Variants in CHDH observed in about 807,000 individuals in gnomAD.
CHDH encodes the protein choline dehydrogenase, mitochondrial.
A neutral mutation model predicts 56.9 loss-of-function variants in CHDH; 43 were observed. The ratio of observed to expected loss-of-function variants is 0.76; its 90% CI spans 0.59 to 0.97. The LOEUF (loss-of-function observed/expected upper bound fraction) is 0.97. Ranked by LOEUF, CHDH falls within the 50% of genes least tolerant of loss-of-function variation. The probability of loss-of-function intolerance (pLI) is 0.00; values close to 1 mark genes in which losing one functional copy is unlikely to be tolerated. For missense variants in CHDH, 816 were observed against 821.1 expected (o/e 0.99, Z 0.08); for synonymous variants, 364 against 348.5 (o/e 1.04, Z -0.50).
In CHDH at chr3:53,818,996, T is replaced by C. The variant is rs1338947195; in HGVS notation, c.1308A>G (p.Lys436=). The C allele has an allele frequency of 6.2e-7, 1 of 1,614,078 alleles. No homozygotes were observed. The highest frequency in any genetic ancestry group is 8.5e-7 in the Non-Finnish European group (1 of 1,179,972). ...PMRGTSVGWL[K]LRSANPQDHP... is the part of the protein sequence containing the mutation. ...GGTCTTGGGGATTGGCACTTCTCAGTTTGAGCCAGCCCACACTCGTGCCCC... is the reference window on the plus strand; with the variant it reads ...GGTCTTGGGGATTGGCACTTCTCAGCTTGAGCCAGCCCACACTCGTGCCCC... The change falls in exon 8 of 9, where the codon AAA becomes AAG. Residue 436 remains lysine, a synonymous_variant. Transcript: ENST00000315251.
intron 1 of CHDH, among the ~76,000 whole-genome samples, chr3:53,844,034 AC>A (rs1698765462): frequency 6.6e-6 from 1 of 152,070 alleles, no homozygotes; most frequent in Non-Finnish European, 1.5e-5. Context: ...AGGCAGACAC[AC>A]CTGTTTGCCC....
In CHDH at chr3:53,818,161, C is replaced by T. The variant is rs747472672; in HGVS notation, c.1401G>A (p.Lys467=). 6.2e-7 allele frequency: 1 copy of T among 1,611,968 alleles called. No individual in the cohort carries two copies. The highest frequency in any genetic ancestry group is 1.1e-5 in the South Asian group (1 of 90,690). Residue 467 remains lysine, a synonymous_variant, in exon 9 of 9, where the codon AAG becomes AAA. Coordinates refer to ENST00000315251, the MANE Select transcript of CHDH (RefSeq NM_018397.5). ...TDIEDFRLCV[K]LTREIFAQEA... is the part of the protein sequence containing the mutation. ...CCTGTGCAAAAATTTCTCTGGTGAGCTTCACACACAGACGGAAATCCTCAA... is the reference window on the plus strand; with the variant it reads ...CCTGTGCAAAAATTTCTCTGGTGAGTTTCACACACAGACGGAAATCCTCAA...
chr3:53,835,715 A>T (rs1698473184), intron 2 of CHDH, among the ~76,000 whole-genome samples: 1 of 152,172 alleles, frequency 6.6e-6, no homozygotes, highest in African/African-American at 2.4e-5. Context: ...CCATTAAACC[A>T]TGGGACCAAA....
intron 1 of CHDH, among the ~76,000 whole-genome samples, chr3:53,844,373 G>C (rs1029970944): frequency 2.6e-5 from 4 of 152,086 alleles, no homozygotes; most frequent in African/African-American, 9.7e-5. Context: ...AAGGCTTCCT[G>C]TGACTGCCAC....
At position 53,815,471 on chromosome 3, in the gene CHDH, A is replaced by G. The variant is rs945362084; in HGVS notation, c.*2306T>C. 1 of 152,186 alleles carries G rather than the reference A, an allele frequency of 6.6e-6. No homozygotes were observed. Among genetic ancestry groups the G allele is most frequent in the Non-Finnish European group, 1.5e-5 (1 of 68,044 alleles). The allele number at this position is 152,186 out of a possible 1,614,324, so 9.4% of individuals were successfully genotyped here. A position where few individuals can be genotyped will look rare whatever the true frequency, so the allele number is the denominator to read the frequency against. On this transcript the variant is annotated 3_prime_UTR_variant, in exon 9 of 9. Coordinates refer to ENST00000315251, the MANE Select transcript of CHDH (RefSeq NM_018397.5). ...AGGTTCTGGACATGTGACACTTACCATCTTTTCTTTTAAACCTCATTCCTG... is the reference window on the plus strand; with the variant it reads ...AGGTTCTGGACATGTGACACTTACCGTCTTTTCTTTTAAACCTCATTCCTG...
At position 53,823,923 on chromosome 3, in the gene CHDH, G is replaced by A; in HGVS notation, c.86C>T (p.Ala29Val). ...LGQQQSLGAR[A>V]LASAGSESRD... is the part of the protein sequence containing the mutation. ...GCTCTCAGAGCCTGCGCTGGCCAGG[G>A]CCCGGGCACCCAGGGATTGCTGCTG... Residue 29 changes from alanine to valine, a missense_variant, in exon 3 of 9, where the codon GCC becomes GTC. Ala to Val is a moderately conservative substitution (Grantham distance 64). Coordinates refer to ENST00000315251, the MANE Select transcript of CHDH (RefSeq NM_018397.5). 1 of 1,547,632 alleles carries A rather than the reference G, an allele frequency of 6.5e-7. No homozygotes were observed.
chr3:53,813,128 A>AC lies in CHDH; in HGVS notation c.*4648_*4649insG, dbSNP rs2095607867. On this transcript the variant is annotated 3_prime_UTR_variant, in exon 9 of 9. Transcript: ENST00000315251. ...TTTAATAGTATACAGACAACCTGTT[A>AC]ATTTTTTTTTTTTTTTTTTTTTTTG... is the stretch of plus-strand genomic sequence containing the variant. 1.1e-5 allele frequency: 1 copy of AC among 92,116 alleles called. No individual in the cohort carries two copies. Among genetic ancestry groups the AC allele is most frequent in the Non-Finnish European group, 2.0e-5 (1 of 50,304 alleles). 5.7% of individuals were successfully genotyped at this position (92,116 alleles called of 1,614,324 possible). A position where few individuals can be genotyped will look rare whatever the true frequency, so the allele number is the denominator to read the frequency against.
Position 53,819,042 on chromosome 3 carries a change from TAGA to T in CHDH, c.1264-5_1264-3del. On this transcript the variant is annotated splice_region_variant and splice_polypyrimidine_tract_variant and intron_variant, in intron 7 of 8. Transcript: ENST00000315251. The surrounding 1 kb of genome is among the most constrained non-coding windows in gnomAD (Gnocchi z 5.4). ...GCCCCGCATGGGCCCCACATGTACC[TAGA>T]AGAACACAGAGGAAGCAGTGACGGT... 1.2e-6 allele frequency: 2 copies of T among 1,603,664 alleles called. No individual in the cohort carries two copies. The highest frequency in any genetic ancestry group is 2.2e-5 in the South Asian group (2 of 90,746).
intron 5 of CHDH, 54 bp downstream of exon 5, chr3:53,821,593 A>T: frequency 6.5e-7 from 1 of 1,530,172 alleles, no homozygotes; most frequent in Non-Finnish European, 9.0e-7. Context: ...ACATACACTA[A>T]GCCTTTTGTT....
At chr3:53,824,926 T>C (rs1367330827) in intron 2 of CHDH, among the ~76,000 whole-genome samples, 1 of 152,178 alleles carries the variant, frequency 6.6e-6, no homozygotes, top group African/African-American at 2.4e-5. Context: ...TCACCACCCC[T>C]TCCACAAGCC....
At position 53,818,201 on chromosome 3, in the gene CHDH, G is replaced by A. The variant is rs571580628; in HGVS notation, c.1367-6C>T. The A allele has an allele frequency of 1.5e-5, 24 of 1,591,316 alleles. No individual in the cohort carries two copies. Among genetic ancestry groups the A allele is most frequent in the East Asian group, 2.2e-5 (1 of 44,806 alleles). ...GAAATCCTCAATATCAGTTTCTGTC[G>A]AGGAGAAGAAACAGGTGAGGACCCC... On this transcript the variant is annotated splice_region_variant and splice_polypyrimidine_tract_variant and intron_variant, in intron 8 of 8. Transcript: ENST00000315251.
At chr3:53,826,902 T>C (rs1268190680) in intron 2 of CHDH, among the ~76,000 whole-genome samples, 1 of 152,234 alleles carries the variant, frequency 6.6e-6, no homozygotes, top group Admixed American at 6.5e-5. Flanking sequence ...GGTTTCAGGA[T>C]ATAAGGTTAA....
At chr3:53,821,191 G>A (rs1028588257) in intron 5 of CHDH, among the ~76,000 whole-genome samples, 6 of 152,362 alleles carry the variant, frequency 3.9e-5, no homozygotes, top group African/African-American at 1.4e-4. Context: ...CGACCCTCAA[G>A]AGCATCAGAG....
intron 5 of CHDH, 38 bp downstream of exon 5, chr3:53,821,609 G>C (rs952129843): frequency 1.3e-6 from 2 of 1,595,496 alleles, no homozygotes; most frequent in South Asian, 1.1e-5. Flanking sequence ...TTGTTGAGCA[G>C]AGACAGCCTC....
intron 6 of CHDH, among the ~76,000 whole-genome samples, 156 bp downstream of exon 6, chr3:53,820,318 C>T (rs1345816310): frequency 6.6e-6 from 1 of 152,182 alleles, no homozygotes; most frequent in Non-Finnish European, 1.5e-5. Context: ...ACTGTGCATC[C>T]CCATTTTGAA....
chr3:53,820,609 CT>C lies in CHDH; in HGVS notation c.986-2del, dbSNP rs1023686374. 6.2e-7 allele frequency: 1 copy of C among 1,610,534 alleles called. No individual in the cohort carries two copies. The highest frequency in any genetic ancestry group is 8.5e-7 in the Non-Finnish European group (1 of 1,178,420). ...TGGTCTTGCAGGTTCTGGCCAACCC[CT>C]GATACGGGAAGGAGTGGTTTAGAAA... On this transcript the variant is annotated splice_acceptor_variant, in intron 5 of 8. Transcript: ENST00000315251. LOFTEE classifies it high-confidence loss of function.
chr3:53,827,952 A>G (rs2095641883), intron 2 of CHDH, among the ~76,000 whole-genome samples: 3 of 152,194 alleles, frequency 2.0e-5, no homozygotes, highest in Admixed American at 2.0e-4. Flanking sequence ...GTGAAGCGCA[A>G]AATTGGAGGA....
intron 2 of CHDH, among the ~76,000 whole-genome samples, chr3:53,832,634 T>A (rs901177209): frequency 6.6e-6 from 1 of 152,246 alleles, no homozygotes; most frequent in African/African-American, 2.4e-5. Context: ...AATGAAATTC[T>A]GGCACATGCT....
In CHDH at chr3:53,843,473, G is replaced by T. The variant is rs139650345; in HGVS notation, c.-130-2474C>A. Among the ~76,000 whole-genome samples, 638 of 152,226 alleles carry T rather than the reference G, an allele frequency of 4.2e-3. 2 individuals are homozygous for T. The highest frequency in any genetic ancestry group is 0.015 in the African/African-American group (615 of 41,566). On this transcript the variant is annotated intron_variant, in intron 1 of 8. Coordinates refer to ENST00000315251, the MANE Select transcript of CHDH (RefSeq NM_018397.5). ...GCTGTGGCTGCACAGAGTCTGTGCAGACCCTAGGGTCTGGGTCAGGGCCAT... is the reference window on the plus strand; with the variant it reads ...GCTGTGGCTGCACAGAGTCTGTGCATACCCTAGGGTCTGGGTCAGGGCCAT...
Sources: gnomAD v4.1 joint callset for allele counts (sites outside exome capture counted in the v4.1 genomes callset) on GRCh38, gnomAD v4.1.1 for gene constraint, Gnocchi (gnomAD v3.1) non-coding constraint, MANE v1.5 for transcripts, NCBI Gene and HGNC (gene_info 2026-07-23, HGNC 2026-07-21) for gene names.